DSC1: variants seen among roughly 807,000 people sequenced by gnomAD.
The protein encoded by DSC1 is desmocollin 1.
Under a neutral mutation model 98.8 loss-of-function variants are expected in DSC1, and 79 were observed. The ratio of observed to expected loss-of-function variants is 0.80; its 90% CI spans 0.67 to 0.96. DSC1 has a LOEUF of 0.96. DSC1 is among the 50% of genes least tolerant of loss of function. The probability of loss-of-function intolerance (pLI) is 0.00; values close to 1 mark genes in which losing one functional copy is unlikely to be tolerated. For missense variants in DSC1, 1,115 were observed against 1,075.9 expected (o/e 1.04, Z -0.51); for synonymous variants, 405 against 372.1 (o/e 1.09, Z -1.02).
At chr18:31,157,934 A>C (rs1349461335) in intron 2 of DSC1, among the ~76,000 whole-genome samples, 2 of 152,194 alleles carry the variant, frequency 1.3e-5, no homozygotes, top group Non-Finnish European at 2.9e-5. Flanking sequence ...TGATGTCAGT[A>C]GGTTTTGAAC....
chr18:31,147,618 G>A (rs1424649532), intron 6 of DSC1, among the ~76,000 whole-genome samples: 1 of 152,038 alleles, frequency 6.6e-6, no homozygotes, highest in African/African-American at 2.4e-5. Context: ...CAAAAATCTA[G>A]TGTTTTCCTA....
At chr18:31,146,399 T>A (rs900956478) in intron 6 of DSC1, among the ~76,000 whole-genome samples, 3 of 152,222 alleles carry the variant, frequency 2.0e-5, no homozygotes, top group African/African-American at 7.2e-5. Context: ...GCATCTATGT[T>A]GCTGCAAAAG....
chr18:31,135,664 C>CCTAA (rs574234634), intron 11 of DSC1, among the ~76,000 whole-genome samples: 49 of 152,214 alleles, frequency 3.2e-4, no homozygotes, highest in Middle Eastern at 3.4e-3. Flanking sequence ...CTATTATTGG[C>CCTAA]CTAAGACTTC....
chr18:31,151,380 T>C (rs933969244), intron 5 of DSC1, among the ~76,000 whole-genome samples: 5 of 152,152 alleles, frequency 3.3e-5, no homozygotes, highest in Non-Finnish European at 7.4e-5. Flanking sequence ...ATAGAGTAAC[T>C]CATTATAAAT....
chr18:31,132,006 T>G (rs1451436515), intron 14 of DSC1, 164 bp from the exon 15 acceptor site: 4 of 814,202 alleles, frequency 4.9e-6, no homozygotes, highest in Non-Finnish European at 5.6e-6. Flanking sequence ...TTGAATTGAG[T>G]CCCCTAAAAA....
At chr18:31,157,724 G>A in intron 2 of DSC1, 151 bp from the exon 3 acceptor site, 1 of 714,924 alleles carries the variant, frequency 1.4e-6, no homozygotes, top group South Asian at 1.8e-5. Flanking sequence ...TAAAACGTGG[G>A]GGCCATGAAA....
rs1568002778 is a variant in DSC1 at position 31,150,331 on chromosome 18, C to T, written c.628-1689G>A. 3.4e-4 allele frequency among the ~76,000 whole-genome samples: 14 copies of T among 40,964 alleles called. 1 individual carries two copies. Among genetic ancestry groups the T allele is most frequent in the East Asian group, 1.3e-3 (2 of 1,546 alleles). 26.9% of individuals were successfully genotyped at this position (40,964 alleles called of 152,430 possible). The stretch of plus-strand genomic sequence containing the variant: ...CCACCACTACTACCATCATCACCAC[C>T]ACCACTACCATCACCACCACCACCA... On this transcript the variant is annotated intron_variant, in intron 5 of 15. Transcript: ENST00000257198.
intron 5 of DSC1, among the ~76,000 whole-genome samples, chr18:31,149,113 T>A (rs1598624187): frequency 1.3e-5 from 2 of 152,190 alleles, no homozygotes; most frequent in East Asian, 3.8e-4. Flanking sequence ...TTCTTTGCAA[T>A]AAAAATGTTA....
At position 31,140,142 on chromosome 18, in the gene DSC1, G is replaced by A. The variant is rs1567998488; in HGVS notation, c.1420C>T (p.Pro474Ser). 1 of 1,613,954 alleles carries A rather than the reference G, an allele frequency of 6.2e-7. No homozygotes were observed. The highest frequency in any genetic ancestry group is 1.3e-5 in the African/African-American group (1 of 75,002). Residue 474 changes from proline (P) to serine (S), a missense_variant, in exon 10 of 16, where the codon CCA becomes TCA. Physicochemically the swap from Pro to Ser is moderately conservative, Grantham distance 74. Transcript: ENST00000257198. ...TCTTGACTCTGAATAACTTTCACTGGAGGGTGGCATTCAGGGCCCTCATCA... is the reference window on the plus strand; with the variant it reads ...TCTTGACTCTGAATAACTTTCACTGAAGGGTGGCATTCAGGGCCCTCATCA... Reference protein sequence around the residue: ...DSDEGPECHPPVKVIQSQDGF... With the variant: ...DSDEGPECHPSVKVIQSQDGF...
intron 5 of DSC1, among the ~76,000 whole-genome samples, chr18:31,153,996 A>G (rs1989047229): frequency 6.6e-6 from 1 of 152,194 alleles, no homozygotes; most frequent in East Asian, 1.9e-4. Context: ...TTATACTCTT[A>G]TATCATTCAA....
intron 5 of DSC1, among the ~76,000 whole-genome samples, chr18:31,151,510 A>G (rs1988999892): frequency 6.6e-6 from 1 of 152,246 alleles, no homozygotes; most frequent in African/African-American, 2.4e-5. Flanking sequence ...TGTTACAATA[A>G]AAAATAATTT....
At chr18:31,161,346 G>A (rs762483616) in intron 1 of DSC1, among the ~76,000 whole-genome samples, 95 of 149,170 alleles carry the variant, frequency 6.4e-4, no homozygotes, top group African/African-American at 2.1e-3. Context: ...GTATATGTGC[G>A]TGTGTGTATA....
intron 6 of DSC1, 34 bp downstream of exon 6, chr18:31,148,464 C>T: frequency 1.9e-6 from 3 of 1,552,256 alleles, no homozygotes; most frequent in Non-Finnish European, 2.6e-6. Flanking sequence ...GTCAAATAGT[C>T]TTCTTGTCAT....
chr18:31,138,215 T>C (rs1162198883), intron 11 of DSC1, among the ~76,000 whole-genome samples: 1 of 152,264 alleles, frequency 6.6e-6, no homozygotes, highest in African/African-American at 2.4e-5. Context: ...AAAACAAAGT[T>C]ACTTTTTAAA....
In DSC1 at chr18:31,148,615, C is replaced by T. The variant is rs375516106; in HGVS notation, c.655G>A (p.Gly219Ser). The change falls in exon 6 of 16, where the codon GGC becomes AGC. Residue 219 changes from glycine to serine, a missense_variant. By Grantham distance (56) the Gly-to-Ser change is moderately conservative (BLOSUM62 0). Coordinates refer to ENST00000257198, the MANE Select transcript of DSC1 (RefSeq NM_024421.2). ...ALYGYATTAD[G>S]YAPEYPLPLI... ...GGGAGTGGATATTCTGGTGCATAGC[C>T]ATCTGCAGTTGTTGCATAGCCATAT... is the stretch of plus-strand genomic sequence containing the variant. 6.2e-7 allele frequency: 1 copy of T among 1,600,428 alleles called. No individual in the cohort carries two copies. Among genetic ancestry groups the T allele is most frequent in the Non-Finnish European group, 8.5e-7 (1 of 1,170,700 alleles).
chr18:31,154,674 C>A, intron 5 of DSC1, 100 bp downstream of exon 5: 1 of 1,093,760 alleles, frequency 9.1e-7, no homozygotes, highest in Non-Finnish European at 1.2e-6. Context: ...AATATTAAAT[C>A]AAATAATTGA....
intron 6 of DSC1, 39 bp downstream of exon 6, chr18:31,148,459 A>T: frequency 6.5e-7 from 1 of 1,537,178 alleles, no homozygotes; most frequent in Non-Finnish European, 8.8e-7. Flanking sequence ...GAAATGTCAA[A>T]TAGTCTTCTT....
chr18:31,155,491 T>A (rs2741003), intron 4 of DSC1, among the ~76,000 whole-genome samples: 45 of 151,692 alleles, frequency 3.0e-4, no homozygotes, highest in African/African-American at 9.7e-4. Flanking sequence ...TTAGCTGGGC[T>A]TCGTGGTGGG....
At chr18:31,138,646 A>T (rs1179258028) in intron 11 of DSC1, among the ~76,000 whole-genome samples, 1 of 152,054 alleles carries the variant, frequency 6.6e-6, no homozygotes, top group African/African-American at 2.4e-5. Flanking sequence ...ACAAATAAAT[A>T]AGCATGAACA....
Sources: gnomAD v4.1 joint callset for allele counts (sites outside exome capture counted in the v4.1 genomes callset) on GRCh38, gnomAD v4.1.1 for gene constraint, MANE v1.5 for transcripts, NCBI Gene and HGNC (gene_info 2026-07-23, HGNC 2026-07-21) for gene names.